Variants in FMN1 observed in about 807,000 individuals in gnomAD.
The protein encoded by FMN1 is formin 1.
FMN1 carries 110 observed loss-of-function variants against 132.4 expected under a neutral mutation model. The ratio of observed to expected loss-of-function variants is 0.83; its 90% CI spans 0.71 to 0.97. FMN1 has a LOEUF of 0.97. Among genes scored for constraint, FMN1 ranks in the 50% least tolerant of loss-of-function variants. The pLI, the probability that FMN1 is intolerant of heterozygous loss-of-function variation, is 0.00. For synonymous variants in FMN1, 722 were observed against 651.7 expected (o/e 1.11, Z -1.64); for missense variants, 1,792 against 1,705.3 (o/e 1.05, Z -0.90).
In FMN1 at chr15:32,964,154, T is replaced by A; in HGVS notation, c.3091A>T (p.Lys1031Ter). 1 of 1,613,526 alleles carries A rather than the reference T, an allele frequency of 6.2e-7. No homozygotes were observed. Among genetic ancestry groups the A allele is most frequent in the Non-Finnish European group, 8.5e-7 (1 of 1,179,594 alleles). Residue 1031 changes from lysine (K) to a stop codon, truncating the protein, a stop_gained, in exon 9 of 21, where the codon AAA becomes TAA. Coordinates refer to ENST00000616417, the MANE Select transcript of FMN1 (RefSeq NM_001277313.2). LOFTEE classifies it high-confidence loss of function. Reference protein sequence around the residue: ...LFSKDTTQQKKKPLSETYEKK... With the variant: ...LFSKDTTQQK The stretch of plus-strand genomic sequence containing the variant: ...TCATAAGTCTCTGACAGAGGTTTTT[T>A]CTTCTGTTGAGTTGTGTCTTTGGAG...
chr15:32,848,977 GT>G (rs71113479), intron 17 of FMN1, among the ~76,000 whole-genome samples: 67 of 89,570 alleles, frequency 7.5e-4, no homozygotes, highest in Admixed American at 1.0e-3. Flanking sequence ...GTTCTCTTTT[GT>G]TTTTTTTTTT....
chr15:32,825,902 T>TA (rs2058352861), intron 17 of FMN1, among the ~76,000 whole-genome samples: 1 of 152,218 alleles, frequency 6.6e-6, no homozygotes, highest in Admixed American at 6.5e-5. Flanking sequence ...TAAGATTAGG[T>TA]ACTCAGTAAC....
chr15:32,785,200 G>GTGTGTATA (rs1431363268), intron 19 of FMN1, among the ~76,000 whole-genome samples: 1 of 27,256 alleles, frequency 3.7e-5, no homozygotes, highest in African/African-American at 1.3e-4. Flanking sequence ...GTGTGTGTGT[G>GTGTGTATA]TATATATATA....
intron 5 of FMN1, among the ~76,000 whole-genome samples, chr15:33,065,413 GCA>G (rs1774937002): frequency 6.6e-6 from 1 of 152,138 alleles, no homozygotes; most frequent in Admixed American, 6.5e-5. Context: ...ACACTGATGT[GCA>G]TTTATGGGAA....
intron 17 of FMN1, among the ~76,000 whole-genome samples, chr15:32,808,993 C>A (rs184597761): frequency 4.2e-4 from 64 of 151,462 alleles, no homozygotes; most frequent in Non-Finnish European, 7.2e-4. Flanking sequence ...CTATGTCTGA[C>A]CTAAAGTCAT....
chr15:32,997,105 G>A (rs1260953851), intron 7 of FMN1, among the ~76,000 whole-genome samples: 2 of 152,114 alleles, frequency 1.3e-5, no homozygotes, highest in Non-Finnish European at 2.9e-5. Flanking sequence ...ATAAATACAG[G>A]CAAACATCAA....
chr15:32,958,553 C>T (rs1226851906), intron 9 of FMN1, among the ~76,000 whole-genome samples: 1 of 103,686 alleles, frequency 9.6e-6, no homozygotes, highest in African/African-American at 5.5e-5. Context: ...AGAAGATATA[C>T]ATACATACAT....
intron 8 of FMN1, among the ~76,000 whole-genome samples, chr15:32,968,474 G>T (rs1212894992): frequency 6.6e-6 from 1 of 151,994 alleles, no homozygotes; most frequent in Admixed American, 6.6e-5. Flanking sequence ...CATTTGCCTT[G>T]GAAAAAAATC....
intron 16 of FMN1, chr15:32,860,919 T>A (rs1001181926): frequency 4.6e-5 from 7 of 152,228 alleles, no homozygotes; most frequent in Admixed American, 3.3e-4. Context: ...TTATCCTGAT[T>A]GGGTAGTTCT....
intron 4 of FMN1, among the ~76,000 whole-genome samples, chr15:33,118,248 T>C (rs1032792684): frequency 1.5e-4 from 23 of 152,336 alleles, no homozygotes; most frequent in East Asian, 3.9e-4. Flanking sequence ...CAAGCAATTA[T>C]ATCGTAAGAG....
At chr15:33,052,839 T>G (rs1249920379) in intron 6 of FMN1, among the ~76,000 whole-genome samples, 3 of 152,202 alleles carry the variant, frequency 2.0e-5, no homozygotes, top group African/African-American at 7.2e-5. Context: ...CTAATTGGTT[T>G]TCTACACTGT....
chr15:32,803,515 A>G (rs1376281282), intron 18 of FMN1, among the ~76,000 whole-genome samples: 1 of 152,194 alleles, frequency 6.6e-6, no homozygotes, highest in Non-Finnish European at 1.5e-5. Flanking sequence ...AGTGGGTGAC[A>G]TGAATCTGAA....
At chr15:32,899,957 A>G in intron 14 of FMN1, 22 bp downstream of exon 14, 2 of 1,608,928 alleles carry the variant, frequency 1.2e-6, no homozygotes, top group Admixed American at 1.7e-5. Flanking sequence ...GATCATGGGA[A>G]CTTATTATGA....
At chr15:33,136,467 G>C (rs1963771244) in intron 4 of FMN1, among the ~76,000 whole-genome samples, 1 of 152,194 alleles carries the variant, frequency 6.6e-6, no homozygotes, top group African/African-American at 2.4e-5. Context: ...CTATGGAATA[G>C]TTCTTAAACT....
intron 7 of FMN1, among the ~76,000 whole-genome samples, chr15:32,981,263 GGGT>G (rs2032633354): frequency 6.6e-6 from 1 of 151,910 alleles, no homozygotes; most frequent in African/African-American, 2.4e-5. Context: ...AGGCGGAGGC[GGGT>G]GGATCATGAG....
intron 9 of FMN1, among the ~76,000 whole-genome samples, chr15:32,957,123 C>T (rs749836903): frequency 6.6e-5 from 10 of 151,836 alleles, no homozygotes; most frequent in African/African-American, 2.2e-4. Context: ...GAGAGGGAGA[C>T]GGGGAGAGAG....
intron 17 of FMN1, among the ~76,000 whole-genome samples, chr15:32,819,056 C>T (rs2058134852): frequency 6.6e-6 from 1 of 152,074 alleles, no homozygotes; most frequent in African/African-American, 2.4e-5. Flanking sequence ...CTTGTGATTG[C>T]ACTTCAGGGA....
chr15:32,785,200 G>GTA lies in FMN1; in HGVS notation c.4131-8283_4131-8282dup, dbSNP rs1555453683. 4.4e-4 allele frequency among the ~76,000 whole-genome samples: 12 copies of GTA among 27,232 alleles called. 1 individual carries two copies. Among genetic ancestry groups the GTA allele is most frequent in the African/African-American group, 1.5e-3 (12 of 7,928 alleles). The allele number at this position is 27,232 out of a possible 152,430, so 17.9% of individuals were successfully genotyped here. A position where few individuals can be genotyped will look rare whatever the true frequency, so the allele number is the denominator to read the frequency against. On this transcript the variant is annotated intron_variant, in intron 19 of 20. Transcript: ENST00000616417. ...TGTGTGTGTGTGTGTGTGTGTGTGTGTATATATATATATATATATTTTTTT... is the reference window on the plus strand; with the variant it reads ...TGTGTGTGTGTGTGTGTGTGTGTGTGTATATATATATATATATATATTTTTTT...
chr15:33,115,843 T>C (rs1308375973), intron 4 of FMN1, among the ~76,000 whole-genome samples: 1 of 152,198 alleles, frequency 6.6e-6, no homozygotes, highest in East Asian at 1.9e-4. Flanking sequence ...CATGAGATTT[T>C]ATTAACCTTA....
Sources: gnomAD v4.1 joint callset for allele counts (sites outside exome capture counted in the v4.1 genomes callset) on GRCh38, gnomAD v4.1.1 for gene constraint, MANE v1.5 for transcripts, NCBI Gene and HGNC (gene_info 2026-07-23, HGNC 2026-07-21) for gene names.